The following DCUN1D3 variants were observed in gnomAD, a reference collection of about 807,000 sequenced individuals.
DCUN1D3 encodes the protein DCN1-like protein 3.
A neutral mutation model predicts 24.8 loss-of-function variants in DCUN1D3; 6 were observed. The ratio of observed to expected loss-of-function variants is 0.24; its 90% CI spans 0.13 to 0.48. DCUN1D3 has a LOEUF of 0.48. DCUN1D3 is among the 20% of genes least tolerant of loss of function. The pLI, the probability that DCUN1D3 is intolerant of heterozygous loss-of-function variation, is 0.99. For missense variants in DCUN1D3, 258 were observed against 379.4 expected (o/e 0.68, Z 2.66); for synonymous variants, 120 against 144.9 (o/e 0.83, Z 1.24).
Position 20,858,549 on chromosome 16 carries a change from A to AATATATACATATTTTATATATGT in DCUN1D3, c.*1314_*1336dup, listed in dbSNP as rs1459806231. 3 of 146,382 alleles carry AATATATACATATTTTATATATGT rather than the reference A, an allele frequency of 2.0e-5. No homozygotes were observed. The highest frequency in any genetic ancestry group is 2.1e-4 in the South Asian group (1 of 4,734). 9.1% of individuals were successfully genotyped at this position (146,382 alleles called of 1,614,324 possible). On this transcript the variant is annotated 3_prime_UTR_variant, in exon 3 of 3. Transcript: ENST00000324344. ...ATATATATATATTTTATATAGGTAA[A>AATATATACATATTTTATATATGT]ATATATACATATTTTATATATGTAT...
intron 1 of DCUN1D3, among the ~76,000 whole-genome samples, chr16:20,877,487 C>G (rs374326489): frequency 1.3e-5 from 2 of 152,162 alleles, no homozygotes; most frequent in Non-Finnish European, 2.9e-5. Context: ...CTGCCTTATT[C>G]GCCACTTTAC....
At chr16:20,881,000 C>T (rs1349675296) in intron 1 of DCUN1D3, among the ~76,000 whole-genome samples, 5 of 152,002 alleles carry the variant, frequency 3.3e-5, no homozygotes, top group Admixed American at 6.6e-5. Context: ...CAGCATACTC[C>T]GATAGAGTGG....
At chr16:20,879,388 A>C (rs1217639156) in intron 1 of DCUN1D3, among the ~76,000 whole-genome samples, 1 of 152,246 alleles carries the variant, frequency 6.6e-6, no homozygotes, top group East Asian at 1.9e-4. Flanking sequence ...GACACAAATG[A>C]ATTGCAGCAA....
In DCUN1D3 at chr16:20,862,284, C is replaced by A. The variant is rs760918785; in HGVS notation, c.255G>T (p.Glu85Asp). ...GTTCTTCCAATCTTTGCAAGGAAGA[C>A]TCCTCGGCATTGGACTTGGACTCCC... ...AGRESKSNAE[E>D]SSLQRLEELF... Residue 85 changes from glutamate to aspartate, a missense_variant, in exon 2 of 3, where the codon GAG becomes GAT. By Grantham distance (45) the Glu-to-Asp change is conservative. Coordinates refer to ENST00000324344, the MANE Select transcript of DCUN1D3 (RefSeq NM_173475.4). The A allele has an allele frequency of 6.2e-7, 1 of 1,614,252 alleles. No homozygotes were observed. Among genetic ancestry groups the A allele is most frequent in the African/African-American group, 1.3e-5 (1 of 75,068 alleles).
intron 1 of DCUN1D3, among the ~76,000 whole-genome samples, chr16:20,863,920 T>C (rs950275918): frequency 2.0e-5 from 3 of 152,238 alleles, no homozygotes; most frequent in Admixed American, 1.3e-4. Context: ...GCTAGCCATA[T>C]GCAGAAGACT....
chr16:20,895,269 A>T (rs1271824810), intron 1 of DCUN1D3, among the ~76,000 whole-genome samples: 1 of 6,248 alleles, frequency 1.6e-4, no homozygotes, highest in African/African-American at 9.9e-4. Flanking sequence ...TAAGTTTTTT[A>T]AATTTTTTTA....
At chr16:20,893,817 T>C (rs1234539385) in intron 1 of DCUN1D3, among the ~76,000 whole-genome samples, 1 of 152,352 alleles carries the variant, frequency 6.6e-6, no homozygotes, top group East Asian at 1.9e-4. Flanking sequence ...AAAGTAGTAA[T>C]GCTATGACTT....
intron 2 of DCUN1D3, among the ~76,000 whole-genome samples, chr16:20,861,420 C>T (rs1331374554): frequency 1.3e-4 from 17 of 132,826 alleles, no homozygotes; most frequent in South Asian, 5.1e-4. Flanking sequence ...AGGCACTTAC[C>T]ATATTGGTAC....
intron 1 of DCUN1D3, among the ~76,000 whole-genome samples, chr16:20,896,685 G>C (rs1024808130): frequency 2.0e-5 from 3 of 152,172 alleles, no homozygotes; most frequent in African/African-American, 7.2e-5. Context: ...TAACCCATCA[G>C]ATAGAGCATT....
At chr16:20,861,367 G>C (rs935601207) in intron 2 of DCUN1D3, among the ~76,000 whole-genome samples, 1 of 150,854 alleles carries the variant, frequency 6.6e-6, no homozygotes, top group Non-Finnish European at 1.5e-5. Context: ...TACTCACAGT[G>C]CAAGTGGCTT....
At chr16:20,897,916 G>T (rs1170695127) in intron 1 of DCUN1D3, among the ~76,000 whole-genome samples, 1 of 152,166 alleles carries the variant, frequency 6.6e-6, no homozygotes, top group Non-Finnish European at 1.5e-5. Context: ...TAAGGCGACA[G>T]AATTAATCAA....
chr16:20,880,118 G>C (rs1292514409), intron 1 of DCUN1D3, among the ~76,000 whole-genome samples: 2 of 152,136 alleles, frequency 1.3e-5, no homozygotes, highest in Non-Finnish European at 2.9e-5. Context: ...ACTTTATTAT[G>C]TCTATCGTGC....
At chr16:20,865,703 G>A (rs1003876771) in intron 1 of DCUN1D3, among the ~76,000 whole-genome samples, 3 of 152,124 alleles carry the variant, frequency 2.0e-5, no homozygotes, top group African/African-American at 4.8e-5. Context: ...TTTGAAAACC[G>A]GCAGTGGGAC....
chr16:20,861,249 A>G (rs2081730791), intron 2 of DCUN1D3, among the ~76,000 whole-genome samples: 1 of 152,150 alleles, frequency 6.6e-6, no homozygotes, highest in African/African-American at 2.4e-5. Context: ...GGAGGGAGAG[A>G]GGCGTATCCC....
At chr16:20,865,539 T>C (rs1459642946) in intron 1 of DCUN1D3, among the ~76,000 whole-genome samples, 1 of 152,144 alleles carries the variant, frequency 6.6e-6, no homozygotes, top group Non-Finnish European at 1.5e-5. Flanking sequence ...GCTATAATAA[T>C]GGCAGCCACT....
At chr16:20,870,450 G>A (rs2081782706) in intron 1 of DCUN1D3, among the ~76,000 whole-genome samples, 2 of 152,166 alleles carry the variant, frequency 1.3e-5, no homozygotes, top group African/African-American at 2.4e-5. Flanking sequence ...TCCAGACATG[G>A]AAAACAGACC....
At chr16:20,888,761 T>G (rs1368187577) in intron 1 of DCUN1D3, among the ~76,000 whole-genome samples, 2 of 152,198 alleles carry the variant, frequency 1.3e-5, no homozygotes, top group African/African-American at 4.8e-5. Context: ...TGGCCCACTA[T>G]GTATATCTAA....
chr16:20,870,506 G>A (rs931123618), intron 1 of DCUN1D3, among the ~76,000 whole-genome samples: 2 of 152,156 alleles, frequency 1.3e-5, no homozygotes, highest in Admixed American at 6.5e-5. Flanking sequence ...CCACTCAGAG[G>A]AATGCATGTT....
chr16:20,889,627 C>T (rs1242593954), intron 1 of DCUN1D3, among the ~76,000 whole-genome samples: 2 of 152,076 alleles, frequency 1.3e-5, no homozygotes, highest in Non-Finnish European at 2.9e-5. Flanking sequence ...ACCCTTATTC[C>T]GTTACTACTT....
Sources: allele counts gnomAD v4.1 joint callset (sites outside exome capture counted in the v4.1 genomes callset), GRCh38; gene constraint gnomAD v4.1.1; transcripts MANE v1.5; gene names NCBI Gene and HGNC (gene_info 2026-07-23, HGNC 2026-07-21).